Variants in GALNT13 observed in about 807,000 individuals in gnomAD.
GALNT13 encodes the protein UDP-GalNAc:polypeptide N-acetylgalactosaminyltransferase 13.
In GALNT13, 28 loss-of-function variants were observed where a neutral mutation model predicts 64.2. The observed-to-expected ratio is 0.44, with a 90% confidence interval of 0.32 to 0.60. The LOEUF (loss-of-function observed/expected upper bound fraction) is 0.60, where lower values mean the gene tolerates loss of function less well. Among genes scored for constraint, GALNT13 ranks in the 20% least tolerant of loss-of-function variants. The pLI is 0.05. For missense variants in GALNT13, 577 were observed against 669.8 expected (o/e 0.86, Z 1.53); for synonymous variants, 214 against 224.6 (o/e 0.95, Z 0.42).
the GALNT13 span, among the ~76,000 whole-genome samples, chr2:153,321,256 C>T: frequency 1.3e-5 from 2 of 152,186 alleles, no homozygotes; most frequent in African/African-American, 4.8e-5. Flanking sequence ...ATTTTATACA[C>T]TCTTAAATTT....
At chr2:154,383,880 A>T (rs1272310656) in intron 9 of GALNT13, among the ~76,000 whole-genome samples, 1 of 146,564 alleles carries the variant, frequency 6.8e-6, no homozygotes, top group Admixed American at 6.9e-5. Flanking sequence ...ATATATAGAG[A>T]TATATTTCTA....
the GALNT13 span, among the ~76,000 whole-genome samples, chr2:153,593,708 A>G: frequency 6.6e-6 from 1 of 152,184 alleles, no homozygotes; most frequent in African/African-American, 2.4e-5. Flanking sequence ...TTCTTACAGC[A>G]CAAATTCCTT....
chr2:153,139,723 A>AT, the GALNT13 span, among the ~76,000 whole-genome samples: 1 of 152,012 alleles, frequency 6.6e-6, no homozygotes, highest in Non-Finnish European at 1.5e-5. Flanking sequence ...GCACAGAGGG[A>AT]TATCAATGCT....
the GALNT13 span, among the ~76,000 whole-genome samples, chr2:153,655,321 G>A: frequency 1.3e-5 from 2 of 152,068 alleles, no homozygotes; most frequent in Admixed American, 6.6e-5. Context: ...TTTTAAAAAT[G>A]TCTGATGACT....
chr2:153,492,962 AAG>A, the GALNT13 span, among the ~76,000 whole-genome samples: 2 of 152,198 alleles, frequency 1.3e-5, no homozygotes, highest in Non-Finnish European at 2.9e-5. Context: ...AACGGAAAAA[AAG>A]AAAATTAAAT....
At chr2:153,266,464 A>T in the GALNT13 span, among the ~76,000 whole-genome samples, 1 of 152,166 alleles carries the variant, frequency 6.6e-6, no homozygotes, top group African/African-American at 2.4e-5. Context: ...TTTAAAAAGA[A>T]AAAAAGGTTT....
At chr2:153,151,270 A>G in the GALNT13 span, among the ~76,000 whole-genome samples, 1 of 152,138 alleles carries the variant, frequency 6.6e-6, no homozygotes, top group Admixed American at 6.6e-5. Flanking sequence ...GCAAATCAAA[A>G]CCACAATGAG....
chr2:153,446,648 A>AT, the GALNT13 span, among the ~76,000 whole-genome samples: 9 of 152,130 alleles, frequency 5.9e-5, no homozygotes, highest in Non-Finnish European at 1.2e-4. Flanking sequence ...TCAAACTCAG[A>AT]TTTTCCCAGT....
At chr2:153,241,653 G>A in the GALNT13 span, among the ~76,000 whole-genome samples, 1 of 122,460 alleles carries the variant, frequency 8.2e-6, no homozygotes, top group African/African-American at 2.8e-5. Context: ...AGTTCTGTGT[G>A]TGTATGTGTA....
chr2:153,129,620 A>G, the GALNT13 span, among the ~76,000 whole-genome samples: 1 of 152,146 alleles, frequency 6.6e-6, no homozygotes, highest in African/African-American at 2.4e-5. Flanking sequence ...TAAAAATACA[A>G]AAATTAGCTG....
At chr2:153,953,837 A>G (rs542006452) in intron 3 of GALNT13, among the ~76,000 whole-genome samples, 54 of 152,164 alleles carry the variant, frequency 3.5e-4, no homozygotes, top group East Asian at 1.2e-3. Flanking sequence ...GACCTCCCCA[A>G]TGCTGCTCTG....
At chr2:154,014,734 G>A (rs1415296177) in intron 3 of GALNT13, among the ~76,000 whole-genome samples, 6 of 143,298 alleles carry the variant, frequency 4.2e-5, no homozygotes, top group Middle Eastern at 4.1e-3. Flanking sequence ...CTGGGTTCAC[G>A]CCATTCTCCT....
the GALNT13 span, among the ~76,000 whole-genome samples, chr2:153,814,469 A>AAGTAAG: frequency 8.4e-4 from 55 of 65,344 alleles, no homozygotes; most frequent in African/African-American, 2.0e-3. Context: ...AAGTAAGTAA[A>AAGTAAG]TAAATAAATA....
chr2:153,471,311 T>C, the GALNT13 span, among the ~76,000 whole-genome samples: 9 of 152,136 alleles, frequency 5.9e-5, no homozygotes. Context: ...CTATAATAGA[T>C]ACTAAATAAT....
At chr2:153,765,320 C>T in the GALNT13 span, among the ~76,000 whole-genome samples, 1 of 152,104 alleles carries the variant, frequency 6.6e-6, no homozygotes, top group Admixed American at 6.5e-5. Context: ...CCATGGGAGC[C>T]CAACTCTTGC....
intron 3 of GALNT13, among the ~76,000 whole-genome samples, chr2:153,947,054 G>A (rs1691806746): frequency 6.6e-6 from 1 of 151,958 alleles, no homozygotes; most frequent in Non-Finnish European, 1.5e-5. Context: ...TAAAGCAAAG[G>A]TTTTGGAGTA....
the GALNT13 span, among the ~76,000 whole-genome samples, chr2:153,394,299 C>T: frequency 3.3e-5 from 5 of 152,084 alleles, no homozygotes; most frequent in African/African-American, 1.2e-4. Context: ...TTTCTGGATA[C>T]AACTACTTCT....
chr2:153,079,150 G>C, the GALNT13 span, among the ~76,000 whole-genome samples: 1 of 152,146 alleles, frequency 6.6e-6, no homozygotes, highest in African/African-American at 2.4e-5. Flanking sequence ...AAGTGGAGGG[G>C]CATGGAGGTG....
At chr2:153,889,557 T>A (rs575322116) in intron 1 of GALNT13, among the ~76,000 whole-genome samples, 2 of 152,164 alleles carry the variant, frequency 1.3e-5, no homozygotes, top group African/African-American at 4.8e-5. Flanking sequence ...TTAATCATGT[T>A]GTATTATATG....
Sources: allele counts gnomAD v4.1 joint callset (sites outside exome capture counted in the v4.1 genomes callset), GRCh38; gene constraint gnomAD v4.1.1; transcripts MANE v1.5; gene names NCBI Gene and HGNC (gene_info 2026-07-23, HGNC 2026-07-21).